The following LSAMP variants were observed in gnomAD, a reference collection of about 807,000 sequenced individuals.
LSAMP encodes the protein limbic system associated membrane protein, also known as limbic system-associated membrane protein.
In LSAMP, 7 loss-of-function variants were observed where a neutral mutation model predicts 38.6. That is an observed-to-expected ratio of 0.18 (90% CI 0.10 to 0.34). The LOEUF is 0.34. Ranked by LOEUF, LSAMP falls within the 10% of genes least tolerant of loss-of-function variation. The probability of loss-of-function intolerance (pLI) is 1.00; values close to 1 mark genes in which losing one functional copy is unlikely to be tolerated. For synonymous variants in LSAMP, 154 were observed against 166.8 expected (o/e 0.92, Z 0.59); for missense variants, 313 against 420.0 (o/e 0.75, Z 2.23).
chr3:116,039,297 TTGA>T lies in LSAMP; in HGVS notation c.389-19660_389-19658del, dbSNP rs1941115470. On this transcript the variant is annotated intron_variant, in intron 2 of 6. Coordinates refer to ENST00000490035, the MANE Select transcript of LSAMP (RefSeq NM_002338.5). ...TGTTTAGGTAATTAAAACTAGTCAC[TTGA>T]TGATCATTCATTATCAAACATTTCT... 2.6e-5 allele frequency among the ~76,000 whole-genome samples: 4 copies of T among 152,250 alleles called. No individual in the cohort carries two copies. In the South Asian group the frequency reaches 8.3e-4, roughly 31 times the overall value.
chr3:116,355,726 A>T lies in LSAMP; in HGVS notation c.155+89151T>A, dbSNP rs545460846. Among the ~76,000 whole-genome samples the T allele has an allele frequency of 4.5e-3, 682 of 152,320 alleles. 6 individuals are homozygous for T. Among genetic ancestry groups the T allele is most frequent in the African/African-American group, 0.016 (658 of 41,570 alleles). ...ATAACCAGAATATACAAGGAGCTCA[A>T]ATAACTCTACAGGAAAAAATCTAAT... On this transcript the variant is annotated intron_variant, in intron 1 of 6. Coordinates refer to ENST00000490035, the MANE Select transcript of LSAMP (RefSeq NM_002338.5).
chr3:115,895,881 T>C (rs546288564), intron 3 of LSAMP, among the ~76,000 whole-genome samples: 19 of 152,244 alleles, frequency 1.2e-4, no homozygotes, highest in African/African-American at 4.1e-4. Flanking sequence ...CTTTCTTAAA[T>C]GTGTCACACA....
intron 1 of LSAMP, among the ~76,000 whole-genome samples, chr3:116,406,963 CT>C (rs1207337496): frequency 6.6e-6 from 1 of 151,998 alleles, no homozygotes; most frequent in Non-Finnish European, 1.5e-5. Context: ...AGTGATGGCT[CT>C]TTTTAGTAAT....
chr3:116,317,331 CAA>C (rs1227821371), intron 1 of LSAMP, among the ~76,000 whole-genome samples: 1 of 151,586 alleles, frequency 6.6e-6, no homozygotes, highest in Non-Finnish European at 1.5e-5. Flanking sequence ...GGACACAATA[CAA>C]AGAGAGCCCA....
chr3:116,431,350 C>A (rs1485150104), intron 1 of LSAMP, among the ~76,000 whole-genome samples: 1 of 152,040 alleles, frequency 6.6e-6, no homozygotes, highest in African/African-American at 2.4e-5. Flanking sequence ...TAAAAAAAAT[C>A]TATTTGCCAC....
At chr3:116,212,070 C>T (rs1326312695) in intron 1 of LSAMP, among the ~76,000 whole-genome samples, 1 of 152,166 alleles carries the variant, frequency 6.6e-6, no homozygotes, top group Non-Finnish European at 1.5e-5. Flanking sequence ...GAGGCTTTTA[C>T]CCAATCCAGT....
At position 116,333,787 on chromosome 3, in the gene LSAMP, G is replaced by C. The variant is rs72950155; in HGVS notation, c.155+111090C>G. On this transcript the variant is annotated intron_variant, in intron 1 of 6. Transcript: ENST00000490035. ...AAAGTGCTGAGAAAATTTATGCTAC[G>C]AACACTTAAATTTAAAAAATTAAAA... is the stretch of plus-strand genomic sequence containing the variant. Among the ~76,000 whole-genome samples, 372 of 150,910 alleles carry C rather than the reference G, an allele frequency of 2.5e-3. 4 individuals are homozygous for C. Among genetic ancestry groups the C allele is most frequent in the African/African-American group, 8.7e-3 (357 of 41,206 alleles).
At chr3:116,077,207 A>G (rs1234075994) in intron 2 of LSAMP, among the ~76,000 whole-genome samples, 3 of 151,916 alleles carry the variant, frequency 2.0e-5, no homozygotes, top group African/African-American at 7.2e-5. Flanking sequence ...GTATTTTATT[A>G]TCTTGTTTCA....
chr3:115,931,895 C>A (rs1937586260), intron 3 of LSAMP, among the ~76,000 whole-genome samples: 1 of 152,154 alleles, frequency 6.6e-6, no homozygotes, highest in Non-Finnish European at 1.5e-5. Flanking sequence ...AGTTTTTAAT[C>A]TGTCTTCAAA....
intron 1 of LSAMP, among the ~76,000 whole-genome samples, chr3:116,101,380 T>C (rs1291438512): frequency 6.6e-6 from 1 of 152,218 alleles, no homozygotes; most frequent in Non-Finnish European, 1.5e-5. Context: ...CGTTATACTA[T>C]AATAGATATG....
intron 1 of LSAMP, among the ~76,000 whole-genome samples, chr3:116,221,150 CAAAA>C (rs71141862): frequency 7.5e-5 from 4 of 53,186 alleles, no homozygotes; most frequent in South Asian, 1.2e-3. Flanking sequence ...GACTCTGTCT[CAAAA>C]AAAAAAAAAA....
intron 2 of LSAMP, among the ~76,000 whole-genome samples, chr3:116,026,824 T>A (rs968239755): frequency 6.6e-6 from 1 of 152,170 alleles, no homozygotes; most frequent in African/African-American, 2.4e-5. Flanking sequence ...TGTTACTTGC[T>A]TTTGCCAACA....
At chr3:116,261,625 T>C (rs2046827167) in intron 1 of LSAMP, among the ~76,000 whole-genome samples, 1 of 152,170 alleles carries the variant, frequency 6.6e-6, no homozygotes, top group Non-Finnish European at 1.5e-5. Context: ...CAATTATTTA[T>C]CTAGGAAATT....
intron 1 of LSAMP, among the ~76,000 whole-genome samples, chr3:116,260,442 C>T (rs761148804): frequency 7.9e-5 from 12 of 151,500 alleles, no homozygotes; most frequent in Non-Finnish European, 1.8e-4. Flanking sequence ...TTACTATAAA[C>T]TATACTAATA....
chr3:116,125,094 G>A (rs1708977642), intron 1 of LSAMP, among the ~76,000 whole-genome samples: 2 of 152,080 alleles, frequency 1.3e-5, no homozygotes, highest in Non-Finnish European at 2.9e-5. Flanking sequence ...TGCATGTGGT[G>A]CCCTAGCCCT....
chr3:116,189,341 T>G (rs539413779), intron 1 of LSAMP, among the ~76,000 whole-genome samples: 1 of 152,284 alleles, frequency 6.6e-6, no homozygotes, highest in Admixed American at 6.5e-5. Flanking sequence ...AAACCCTGCA[T>G]AGATACAGCA....
chr3:116,326,443 C>T (rs776397180), intron 1 of LSAMP, among the ~76,000 whole-genome samples: 7 of 152,170 alleles, frequency 4.6e-5, no homozygotes, highest in Non-Finnish European at 1.0e-4. Flanking sequence ...TCCTGAGTCT[C>T]TCTCAACTCC....
At chr3:116,298,544 G>A (rs551157441) in intron 1 of LSAMP, among the ~76,000 whole-genome samples, 1 of 152,124 alleles carries the variant, frequency 6.6e-6, no homozygotes, top group South Asian at 2.1e-4. Flanking sequence ...TTGTTCAGTA[G>A]AAAATGTATT....
At chr3:116,414,978 C>T (rs976743128) in intron 1 of LSAMP, among the ~76,000 whole-genome samples, 20 of 152,026 alleles carry the variant, frequency 1.3e-4, no homozygotes, top group Admixed American at 2.6e-4. Flanking sequence ...AAGTGGCTGA[C>T]CACAGCATGG....
Sources: gnomAD v4.1 joint callset for allele counts (sites outside exome capture counted in the v4.1 genomes callset) on GRCh38, gnomAD v4.1.1 for gene constraint, MANE v1.5 for transcripts, NCBI Gene and HGNC (gene_info 2026-07-23, HGNC 2026-07-21) for gene names.